The following AFF1 variants were observed in gnomAD, a reference collection of about 807,000 sequenced individuals.
AFF1 encodes AF4/FMR2 family member 1.
In AFF1, 48 loss-of-function variants were observed where a neutral mutation model predicts 121.7. That is an observed-to-expected ratio of 0.39 (90% CI 0.31 to 0.50). The LOEUF (loss-of-function observed/expected upper bound fraction) is 0.50, where lower values mean the gene tolerates loss of function less well. AFF1 is among the 20% of genes least tolerant of loss of function. The pLI, the probability that AFF1 is intolerant of heterozygous loss-of-function variation, is 0.76. For synonymous variants in AFF1, 613 were observed against 563.0 expected (o/e 1.09, Z -1.26); for missense variants, 1,523 against 1,511.7 (o/e 1.01, Z -0.12).
intron 2 of AFF1, among the ~76,000 whole-genome samples, chr4:86,985,205 ATATATATAT>A (rs1560518366): frequency 1.9e-4 from 24 of 127,618 alleles, no homozygotes; most frequent in African/African-American, 5.3e-4. Flanking sequence ...ATATATATAT[ATATATATAT>A]AAAATTATAT....
chr4:86,984,543 C>G (rs1363195428), intron 2 of AFF1, among the ~76,000 whole-genome samples: 4 of 151,990 alleles, frequency 2.6e-5, no homozygotes, highest in African/African-American at 7.3e-5. Flanking sequence ...AGGCTAGTCT[C>G]GAACTCTGAG....
chr4:86,987,507 G>A (rs562929351), intron 2 of AFF1, among the ~76,000 whole-genome samples: 2 of 152,192 alleles, frequency 1.3e-5, no homozygotes, highest in East Asian at 3.9e-4. Flanking sequence ...AGTTAGACTT[G>A]GTGGAGAGCC....
intron 1 of AFF1, among the ~76,000 whole-genome samples, chr4:86,946,668 A>G (rs961169024): frequency 1.3e-5 from 2 of 152,094 alleles, no homozygotes; most frequent in Non-Finnish European, 1.5e-5. Flanking sequence ...CTGGGATTAC[A>G]GGTGCACACC....
intron 2 of AFF1, among the ~76,000 whole-genome samples, chr4:87,022,582 A>ATATATATATATATATATATC (rs1316133807): frequency 4.5e-5 from 4 of 88,600 alleles, no homozygotes; most frequent in Non-Finnish European, 8.4e-5. Flanking sequence ...ATATATATAT[A>ATATATATATATATATATATC]TCTATCTATA....
intron 2 of AFF1, among the ~76,000 whole-genome samples, chr4:86,997,930 C>A (rs1209436628): frequency 6.6e-6 from 1 of 151,856 alleles, no homozygotes; most frequent in Non-Finnish European, 1.5e-5. Context: ...AACCTCGTCT[C>A]TACTAAAAAT....
chr4:86,942,164 T>G (rs984093619), intron 1 of AFF1, among the ~76,000 whole-genome samples: 1 of 152,216 alleles, frequency 6.6e-6, no homozygotes, highest in Non-Finnish European at 1.5e-5. Flanking sequence ...ATGAAGTAAT[T>G]GGTTTACTTT....
chr4:87,123,397 T>C (rs1578302615), intron 12 of AFF1, among the ~76,000 whole-genome samples: 1 of 152,168 alleles, frequency 6.6e-6, no homozygotes, highest in African/African-American at 2.4e-5. Context: ...TGCCAGATGG[T>C]AGCATGCAGG....
intron 12 of AFF1, among the ~76,000 whole-genome samples, chr4:87,123,222 G>T (rs975267166): frequency 6.6e-6 from 1 of 152,106 alleles, no homozygotes; most frequent in African/African-American, 2.4e-5. Context: ...ATCTAATCCA[G>T]TATACCTAAA....
intron 5 of AFF1, among the ~76,000 whole-genome samples, chr4:87,086,817 A>G (rs993913439): frequency 6.6e-6 from 1 of 152,196 alleles, no homozygotes; most frequent in African/African-American, 2.4e-5. Context: ...TCCAAACACA[A>G]ATCTTTCTGA....
chr4:87,049,168 G>A (rs1469125027), intron 4 of AFF1, among the ~76,000 whole-genome samples: 1 of 147,642 alleles, frequency 6.8e-6, no homozygotes, highest in Admixed American at 6.8e-5. Context: ...ACAATTTTTA[G>A]ACAAATTAGC....
chr4:86,963,349 CTT>C (rs913234966), intron 2 of AFF1, among the ~76,000 whole-genome samples: 1 of 151,846 alleles, frequency 6.6e-6, no homozygotes, highest in Non-Finnish European at 1.5e-5. Context: ...TCATCAAAGA[CTT>C]TGTGGAGAGC....
intron 2 of AFF1, among the ~76,000 whole-genome samples, chr4:87,004,135 A>G (rs1011349278): frequency 1.3e-5 from 2 of 152,214 alleles, no homozygotes; most frequent in African/African-American, 4.8e-5. Flanking sequence ...TGTTTTTAAC[A>G]TATGCCCCAG....
chr4:87,109,700 C>CT (rs1436611006), intron 11 of AFF1, among the ~76,000 whole-genome samples: 2 of 152,108 alleles, frequency 1.3e-5, no homozygotes, highest in Non-Finnish European at 2.9e-5. Flanking sequence ...GGAAATGTTA[C>CT]AGATTTGGCT....
In AFF1 at chr4:87,133,433, G is replaced by A. The variant is rs1468200748; in HGVS notation, c.3311+1025G>A. Among the ~76,000 whole-genome samples, 8 of 152,166 alleles carry A rather than the reference G, an allele frequency of 5.3e-5. No homozygotes were observed. The East Asian group carries it at 1.5e-3, about 29-fold the overall frequency. ...ATTCAAAAGAAGAGACTCCCATATG[G>A]CCTCTCTTAAAAAAGAAAGTCCTGA... On this transcript the variant is annotated intron_variant, in intron 19 of 20. Coordinates refer to ENST00000395146, the MANE Select transcript of AFF1 (RefSeq NM_001166693.3).
intron 2 of AFF1, among the ~76,000 whole-genome samples, chr4:86,997,642 G>T (rs369904908): frequency 6.6e-6 from 1 of 151,760 alleles, no homozygotes; most frequent in South Asian, 2.1e-4. Flanking sequence ...GGCGCCTGTA[G>T]TCCCAGCTAC....
intron 12 of AFF1, among the ~76,000 whole-genome samples, chr4:87,118,693 C>T (rs1439672611): frequency 6.6e-6 from 1 of 152,052 alleles, no homozygotes; most frequent in Non-Finnish European, 1.5e-5. Flanking sequence ...ACTTTGTTGC[C>T]CAGGCTGGTC....
chr4:87,127,253 C>T (rs948721964), intron 15 of AFF1, 136 bp downstream of exon 15: 31 of 731,700 alleles, frequency 4.2e-5, no homozygotes, highest in Admixed American at 1.4e-4. Flanking sequence ...CTCCACCTCC[C>T]GGGTTCAAGT....
chr4:87,085,825 AC>A (rs1560610398), intron 5 of AFF1, among the ~76,000 whole-genome samples: 2 of 143,958 alleles, frequency 1.4e-5, no homozygotes, highest in African/African-American at 5.2e-5. Flanking sequence ...TGCAATCTCC[AC>A]CTCCTGGGTT....
At chr4:87,099,064 C>G (rs1725159986) in intron 8 of AFF1, among the ~76,000 whole-genome samples, 1 of 152,178 alleles carries the variant, frequency 6.6e-6, no homozygotes, top group South Asian at 2.1e-4. Context: ...CAAAGACATG[C>G]TTTACTTGTA....
Sources: gnomAD v4.1 joint callset for allele counts (sites outside exome capture counted in the v4.1 genomes callset) on GRCh38, gnomAD v4.1.1 for gene constraint, MANE v1.5 for transcripts, NCBI Gene and HGNC (gene_info 2026-07-23, HGNC 2026-07-21) for gene names.